ZNF683: variants seen among roughly 807,000 people sequenced by gnomAD.
The protein encoded by ZNF683 is zinc finger protein 683, also known as tissue-resident T-cell transcription regulator protein ZNF683.
A neutral mutation model predicts 31.4 loss-of-function variants in ZNF683; 20 were observed. The ratio of observed to expected loss-of-function variants is 0.64; its 90% CI spans 0.45 to 0.93. ZNF683 has a LOEUF of 0.93. ZNF683 is among the 40% of genes least tolerant of loss of function. The pLI is 0.00. For missense variants in ZNF683, 621 were observed against 637.2 expected (o/e 0.97, Z 0.27); for synonymous variants, 264 against 267.6 (o/e 0.99, Z 0.13).
Position 26,364,667 on chromosome 1 carries a change from A to C in ZNF683, c.879T>G (p.Ser293=), listed in dbSNP as rs202179045. Residue 293 remains serine (S), a synonymous_variant, in exon 4 of 6, where the codon TCT becomes TCG. Transcript: ENST00000349618. ...SPGLERGGMA[S]PAKRVPLSSQ... ...AACTCAATGGGACCCGCTTTGCTGG[A>C]GATGCCATGCCACCACGCTCCAGGC... 2.3e-5 allele frequency: 37 copies of C among 1,613,838 alleles called. No individual in the cohort carries two copies. Among genetic ancestry groups the C allele is most frequent in the Non-Finnish European group, 2.6e-5 (31 of 1,179,882 alleles).
intron 3 of ZNF683, among the ~76,000 whole-genome samples, chr1:26,366,289 G>A (rs1391428028): frequency 1.3e-5 from 2 of 150,712 alleles, no homozygotes; most frequent in East Asian, 3.9e-4. Context: ...CTTGAGCCCA[G>A]GAGTTGGAGG....
rs1044754687 is a variant in ZNF683 at position 26,361,980 on chromosome 1, G to A, written c.1186C>T (p.His396Tyr). ...RFSSSSNLKTHLRLHSGARPF... is the reference protein window; with the variant it reads ...RFSSSSNLKTYLRLHSGARPF... ...CGGGCCCCGGAGTGCAGGCGCAGGT[G>A]GGTCTTGAGGTTACTGGAGCTGCTG... is the stretch of plus-strand genomic sequence containing the variant. Residue 396 changes from histidine to tyrosine, a missense_variant, in exon 6 of 6, where the codon CAC becomes TAC. Transcript: ENST00000349618. 4 of 1,613,762 alleles carry A rather than the reference G, an allele frequency of 2.5e-6. No individual in the cohort carries two copies. The African/African-American group carries it at 4.0e-5, about 16-fold the overall frequency.
intron 1 of ZNF683, among the ~76,000 whole-genome samples, chr1:26,371,511 G>A (rs2074668548): frequency 6.6e-6 from 1 of 151,784 alleles, no homozygotes; most frequent in African/African-American, 2.4e-5. Flanking sequence ...GAGGCAGGAG[G>A]ATCACTTGAG....
rs745671759 is a variant in ZNF683 at position 26,365,119 on chromosome 1, C to G, written c.427G>C (p.Glu143Gln). ...GAGAAGGCTGGGCAGGGGGCCCCCT[C>G]GCCAGCTCTTTCTGGCTGTTTTCCC... ...KLGKQPERAGEGAPCPAFSSH... is the reference protein window; with the variant it reads ...KLGKQPERAGQGAPCPAFSSH... The change falls in exon 4 of 6, where the codon GAG (glutamate) becomes CAG (glutamine). Residue 143 changes from glutamate (E) to glutamine (Q), a missense_variant. By Grantham distance (29) the Glu-to-Gln change is conservative (BLOSUM62 2). Coordinates refer to ENST00000349618, the MANE Select transcript of ZNF683 (RefSeq NM_001114759.3). The G allele has an allele frequency of 1.2e-6, 2 of 1,607,148 alleles. No homozygotes were observed. Among genetic ancestry groups the G allele is most frequent in the South Asian group, 2.2e-5 (2 of 89,992 alleles).
Position 26,368,440 on chromosome 1 carries a change from G to A in ZNF683, c.114+18C>T, listed in dbSNP as rs1449556602. On this transcript the variant is annotated intron_variant, in intron 2 of 5. Coordinates refer to ENST00000349618, the MANE Select transcript of ZNF683 (RefSeq NM_001114759.3). Reference sequence around the variant, plus strand: ...TAAGCAGACTACCCACAAAGGTAAGGCTGGGGTTCTACCTTACCTGGTCAC... The same window carrying A: ...TAAGCAGACTACCCACAAAGGTAAGACTGGGGTTCTACCTTACCTGGTCAC... 1.9e-6 allele frequency: 3 copies of A among 1,554,820 alleles called. No individual in the cohort carries two copies. Among genetic ancestry groups the A allele is most frequent in the Middle Eastern group, 1.7e-4 (1 of 5,834 alleles).
In ZNF683 at chr1:26,361,958, G is replaced by A. The variant is rs745685464; in HGVS notation, c.1208C>T (p.Ala403Val). ...LKTHLRLHSG[A>V]RPFQCSVCRS... ...GCAGACACTGCACTGGAAGGGCCGG[G>A]CCCCGGAGTGCAGGCGCAGGTGGGT... Residue 403 changes from alanine to valine, a missense_variant, in exon 6 of 6, where the codon GCC becomes GTC. Transcript: ENST00000349618. The A allele has an allele frequency of 2.7e-5, 43 of 1,613,874 alleles. No homozygotes were observed. Among genetic ancestry groups the A allele is most frequent in the Non-Finnish European group, 3.4e-5 (40 of 1,179,894 alleles).
chr1:26,365,112 G>T lies in ZNF683; in HGVS notation c.434C>A (p.Ala145Asp), dbSNP rs752981140. ...GKQPERAGEG[A>D]PCPAFSSHNS... ...ATGAGAGGAGAAGGCTGGGCAGGGG[G>T]CCCCCTCGCCAGCTCTTTCTGGCTG... The change falls in exon 4 of 6, where the codon GCC (alanine) becomes GAC (aspartate). Residue 145 changes from alanine to aspartate, a missense_variant. Ala to Asp is a moderately radical substitution (Grantham distance 126). Transcript: ENST00000349618. 3.1e-6 allele frequency: 5 copies of T among 1,606,664 alleles called. No individual in the cohort carries two copies. The highest frequency in any genetic ancestry group is 4.2e-6 in the Non-Finnish European group (5 of 1,176,562).
chr1:26,369,615 C>G (rs1374930916), intron 1 of ZNF683, among the ~76,000 whole-genome samples: 1 of 151,810 alleles, frequency 6.6e-6, no homozygotes, highest in Non-Finnish European at 1.5e-5. Flanking sequence ...TTGCAGTGAG[C>G]CAAGATAGCA....
At chr1:26,362,699 A>T (rs1040708052) in intron 5 of ZNF683, among the ~76,000 whole-genome samples, 4 of 152,202 alleles carry the variant, frequency 2.6e-5, no homozygotes, top group African/African-American at 7.2e-5. Flanking sequence ...GAGGGAGCTG[A>T]CATCAAGCTA....
intron 1 of ZNF683, among the ~76,000 whole-genome samples, chr1:26,369,116 A>G (rs2074602169): frequency 6.6e-6 from 1 of 152,160 alleles, no homozygotes; most frequent in Non-Finnish European, 1.5e-5. Flanking sequence ...ACGGTGGTGC[A>G]TGCCTATAAT....
chr1:26,367,717 G>T lies in ZNF683; in HGVS notation c.195C>A (p.Pro65=). The T allele has an allele frequency of 3.7e-6, 6 of 1,610,870 alleles. No individual in the cohort carries two copies. The highest frequency in any genetic ancestry group is 5.1e-6 in the Non-Finnish European group (6 of 1,178,250). Residue 65 remains proline (P), a synonymous_variant, in exon 3 of 6, where the codon CCC becomes CCA. Transcript: ENST00000349618. ...PSCASWLCPL[P]LAPGRSALLA... ...GCAGTGCAGACCTGCCCGGTGCCAG[G>T]GGCAAGGGACACAGCCAGCTGGCAC...
rs758681579 is a variant in ZNF683, at chr1:26,363,126, C to T, written c.1043G>A (p.Arg348His). 39 of 1,612,362 alleles carry T rather than the reference C, an allele frequency of 2.4e-5. No homozygotes were observed. Among genetic ancestry groups the T allele is most frequent in the Non-Finnish European group, 2.8e-5 (33 of 1,179,252 alleles). ...CTGGCACAAGGCACACTGGAATGGACGCTCTCCACTGTGCACACGCAGGTG... is the reference window on the plus strand; with the variant it reads ...CTGGCACAAGGCACACTGGAATGGATGCTCTCCACTGTGCACACGCAGGTG... ...KVHLRVHSGERPFQCALCQKS... is the reference protein window; with the variant it reads ...KVHLRVHSGEHPFQCALCQKS... The change falls in exon 5 of 6, where the codon CGT becomes CAT. Residue 348 changes from arginine to histidine, a missense_variant. Coordinates refer to ENST00000349618, the MANE Select transcript of ZNF683 (RefSeq NM_001114759.3).
At chr1:26,365,998 T>C (rs2074512028) in intron 3 of ZNF683, among the ~76,000 whole-genome samples, 1 of 151,690 alleles carries the variant, frequency 6.6e-6, no homozygotes, top group African/African-American at 2.4e-5. Flanking sequence ...CTGACCAACA[T>C]GGAGAAACCC....
chr1:26,372,647 C>G (rs2074696284), intron 1 of ZNF683, 22 bp downstream of exon 1: 1 of 1,303,446 alleles, frequency 7.7e-7, no homozygotes, highest in African/African-American at 1.5e-5. Context: ...TACTTCCCCT[C>G]TATCCGCACT....
At position 26,364,531 on chromosome 1, in the gene ZNF683, C is replaced by T. The variant is rs1336247894; in HGVS notation, c.1014+1G>A. On this transcript the variant is annotated splice_donor_variant, in intron 4 of 5. Transcript: ENST00000349618. LOFTEE classifies it high-confidence loss of function. ...AGAAGCAGAGCCCAGGAGGCAGATA[C>T]CTTGAGATTGGAGAGCTGCCCAAAG... 1 of 1,613,658 alleles carries T rather than the reference C, an allele frequency of 6.2e-7. No individual in the cohort carries two copies. The highest frequency in any genetic ancestry group is 1.3e-5 in the African/African-American group (1 of 74,906).
At position 26,361,763 on chromosome 1, in the gene ZNF683, C is replaced by A. The variant is rs772288612; in HGVS notation, c.1403G>T (p.Gly468Val). 1.1e-5 allele frequency: 18 copies of A among 1,614,060 alleles called. No individual in the cohort carries two copies. The highest frequency in any genetic ancestry group is 1.5e-5 in the Non-Finnish European group (18 of 1,179,902). The stretch of plus-strand genomic sequence containing the variant: ...CACTTTGACCTCATCTATGTCATAG[C>A]CCATGTGTTTCTCAGATGCCACCGC... ...LMAVASEKHM[G>V]YDIDEVKVSS... is the part of the protein sequence containing the mutation. The change falls in exon 6 of 6, where the codon GGC becomes GTC. Residue 468 changes from glycine (G) to valine (V), a missense_variant. Transcript: ENST00000349618.
At chr1:26,370,302 G>A (rs746928943) in intron 1 of ZNF683, among the ~76,000 whole-genome samples, 14 of 152,200 alleles carry the variant, frequency 9.2e-5, no homozygotes, top group African/African-American at 2.9e-4. Flanking sequence ...CCAGCTCAGC[G>A]CTCTCACCAG....
At chr1:26,368,631 T>C (rs758465197) in intron 1 of ZNF683, 46 bp from the exon 2 acceptor site, 12 of 1,525,236 alleles carry the variant, frequency 7.9e-6, no homozygotes, top group Non-Finnish European at 1.1e-5. Context: ...GTCCTCCAAA[T>C]AGGAGTCTGA....
intron 4 of ZNF683, among the ~76,000 whole-genome samples, chr1:26,363,759 A>G (rs1414417404): frequency 6.8e-6 from 1 of 147,998 alleles, no homozygotes. Context: ...AAAAAAAAAG[A>G]TAACTCTGGG....
Sources: gnomAD v4.1 joint callset for allele counts (sites outside exome capture counted in the v4.1 genomes callset) on GRCh38, gnomAD v4.1.1 for gene constraint, MANE v1.5 for transcripts, NCBI Gene and HGNC (gene_info 2026-07-23, HGNC 2026-07-21) for gene names.